KAT6B: variants seen among roughly 807,000 people sequenced by gnomAD.
KAT6B encodes the protein histone acetyltransferase KAT6B.
KAT6B carries 10 observed loss-of-function variants against 187.5 expected under a neutral mutation model. The ratio of observed to expected loss-of-function variants is 0.05; its 90% CI spans 0.03 to 0.09. The LOEUF (loss-of-function observed/expected upper bound fraction) is 0.09, where lower values mean the gene tolerates loss of function less well. Ranked by LOEUF, KAT6B falls within the 10% of genes least tolerant of loss-of-function variation. The pLI is 1.00. For synonymous variants in KAT6B, 861 were observed against 926.8 expected (o/e 0.93, Z 1.29); for missense variants, 1,952 against 2,558.9 (o/e 0.76, Z 5.12).
intron 12 of KAT6B, among the ~76,000 whole-genome samples, chr10:74,988,792 G>A (rs1467142714): frequency 6.6e-6 from 1 of 152,190 alleles, no homozygotes; most frequent in African/African-American, 2.4e-5. Flanking sequence ...CATATTTTAT[G>A]GCACTGACTT....
At chr10:74,925,089 G>A (rs2133100351) in intron 3 of KAT6B, among the ~76,000 whole-genome samples, 1 of 152,256 alleles carries the variant, frequency 6.6e-6, no homozygotes, top group East Asian at 1.9e-4. Context: ...GCTTAGGCTG[G>A]AGTGCAGTGA....
At chr10:74,899,110 G>A (rs922121912) in intron 3 of KAT6B, among the ~76,000 whole-genome samples, 2 of 150,508 alleles carry the variant, frequency 1.3e-5, no homozygotes, top group African/African-American at 4.9e-5. Context: ...GCAGTGAGCT[G>A]AGATTGCGCC....
At chr10:74,892,430 C>T (rs763381650) in intron 3 of KAT6B, among the ~76,000 whole-genome samples, 2 of 152,164 alleles carry the variant, frequency 1.3e-5, no homozygotes, top group Non-Finnish European at 2.9e-5. Flanking sequence ...GATTTTCTTC[C>T]TGGATAGTCC....
At chr10:75,028,380 A>G in intron 17 of KAT6B, 109 bp from the exon 18 acceptor site, 1 of 1,528,492 alleles carries the variant, frequency 6.5e-7, no homozygotes, top group African/African-American at 1.4e-5. Flanking sequence ...TAACATGCCA[A>G]ATTGAAAGCA....
intron 3 of KAT6B, among the ~76,000 whole-genome samples, chr10:74,854,484 G>A (rs1842690179): frequency 6.6e-6 from 1 of 151,548 alleles, no homozygotes. Context: ...TTTTTTTAAT[G>A]AAAGGTGATA....
chr10:74,959,734 G>A (rs1462060830), intron 3 of KAT6B, among the ~76,000 whole-genome samples: 2 of 152,248 alleles, frequency 1.3e-5, no homozygotes, highest in African/African-American at 4.8e-5. Context: ...AGGTTGCAAT[G>A]AGCCGAGATT....
intron 13 of KAT6B, among the ~76,000 whole-genome samples, chr10:75,013,367 C>T (rs1030126869): frequency 2.6e-5 from 4 of 151,218 alleles, no homozygotes; most frequent in Non-Finnish European, 5.9e-5. Context: ...AATTTTTTTT[C>T]ATAGCCTCTT....
At chr10:74,934,766 C>G (rs1849123006) in intron 3 of KAT6B, among the ~76,000 whole-genome samples, 2 of 152,246 alleles carry the variant, frequency 1.3e-5, no homozygotes, top group South Asian at 4.1e-4. Flanking sequence ...CCCGTCTTCC[C>G]TAAAAGTCTT....
At chr10:74,881,354 C>T (rs758367572) in intron 3 of KAT6B, among the ~76,000 whole-genome samples, 2 of 152,108 alleles carry the variant, frequency 1.3e-5, no homozygotes, top group Non-Finnish European at 1.5e-5. Context: ...TCACCTCGTC[C>T]ATAAGGTTGT....
chr10:74,982,328 C>T (rs1157627430), intron 11 of KAT6B: 3 of 241,944 alleles, frequency 1.2e-5, no homozygotes, highest in Non-Finnish European at 1.6e-5. Context: ...CATATCTCCT[C>T]AATACACAAC....
chr10:74,922,782 A>T (rs1848229134), intron 3 of KAT6B, among the ~76,000 whole-genome samples: 1 of 152,352 alleles, frequency 6.6e-6, no homozygotes, highest in East Asian at 1.9e-4. Context: ...GCTCAAGTGA[A>T]TCCAGAGTTT....
chr10:74,957,204 A>G (rs1478443488), intron 3 of KAT6B, among the ~76,000 whole-genome samples: 2 of 152,228 alleles, frequency 1.3e-5, no homozygotes, highest in East Asian at 3.8e-4. Flanking sequence ...CGTACAAGTG[A>G]CAATTTTTAA....
At chr10:74,911,060 G>A (rs1847168165) in intron 3 of KAT6B, among the ~76,000 whole-genome samples, 1 of 152,010 alleles carries the variant, frequency 6.6e-6, no homozygotes, top group East Asian at 1.9e-4. Context: ...AAGTAACTTT[G>A]CCTCTCTTTG....
At chr10:74,890,014 T>C (rs1845539680) in intron 3 of KAT6B, among the ~76,000 whole-genome samples, 3 of 151,406 alleles carry the variant, frequency 2.0e-5, no homozygotes. Flanking sequence ...CTGGTCACTG[T>C]AGGAAAGGGA....
chr10:74,910,590 G>A (rs1485903966), intron 3 of KAT6B, among the ~76,000 whole-genome samples: 1 of 151,238 alleles, frequency 6.6e-6, no homozygotes, highest in Non-Finnish European at 1.5e-5. Context: ...TTAATTTCCT[G>A]AGTTTTCTTC....
intron 13 of KAT6B, among the ~76,000 whole-genome samples, chr10:75,005,441 C>T (rs1044909767): frequency 2.6e-5 from 4 of 152,002 alleles, no homozygotes; most frequent in African/African-American, 7.3e-5. Flanking sequence ...TGGTCTCAAA[C>T]TCCTGAATAC....
intron 3 of KAT6B, among the ~76,000 whole-genome samples, chr10:74,883,559 G>GA (rs1241340513): frequency 3.3e-5 from 5 of 152,036 alleles, no homozygotes; most frequent in Non-Finnish European, 7.4e-5. Flanking sequence ...AGATCCAGCA[G>GA]AAAAAAATTA....
At chr10:74,978,263 G>C (rs960583023) in intron 9 of KAT6B, among the ~76,000 whole-genome samples, 2 of 152,126 alleles carry the variant, frequency 1.3e-5, no homozygotes, top group Admixed American at 6.5e-5. Context: ...AGGATGCCTT[G>C]TATCAGCTTT....
At chr10:74,907,890 C>T (rs963539683) in intron 3 of KAT6B, among the ~76,000 whole-genome samples, 8 of 152,138 alleles carry the variant, frequency 5.3e-5, no homozygotes, top group African/African-American at 1.9e-4. Flanking sequence ...TATAAAATTA[C>T]TGATTGTTAT....
Sources: allele counts gnomAD v4.1 joint callset (sites outside exome capture counted in the v4.1 genomes callset), GRCh38; gene constraint gnomAD v4.1.1; transcripts MANE v1.5; gene names NCBI Gene and HGNC (gene_info 2026-07-23, HGNC 2026-07-21).